SPRED1: variants seen among roughly 807,000 people sequenced by gnomAD.
SPRED1 encodes sprouty-related, EVH1 domain-containing protein 1.
In SPRED1, 18 loss-of-function variants were observed where a neutral mutation model predicts 52.3. The ratio of observed to expected loss-of-function variants is 0.34; its 90% CI spans 0.24 to 0.51. The LOEUF (loss-of-function observed/expected upper bound fraction) is 0.51. Among genes scored for constraint, SPRED1 ranks in the 20% least tolerant of loss-of-function variants. The probability of loss-of-function intolerance (pLI) is 0.97; values close to 1 mark genes in which losing one functional copy is unlikely to be tolerated. For synonymous variants in SPRED1, 155 were observed against 179.7 expected (o/e 0.86, Z 1.10); for missense variants, 485 against 551.0 (o/e 0.88, Z 1.20).
intron 5 of SPRED1, among the ~76,000 whole-genome samples, chr15:38,345,975 T>TAGTAAGC (rs1896127379): frequency 6.6e-6 from 1 of 152,232 alleles, no homozygotes; most frequent in African/African-American, 2.4e-5. Context: ...TTATGTTCCC[T>TAGTAAGC]TAGTAATGCT....
intron 5 of SPRED1, among the ~76,000 whole-genome samples, chr15:38,341,193 A>C (rs4924235): frequency 6.6e-6 from 1 of 151,794 alleles, no homozygotes; most frequent in Non-Finnish European, 1.5e-5. Flanking sequence ...ACTGAAAATA[A>C]GTGCCTTCTC....
rs779966392 is a variant in SPRED1 at position 38,351,324 on chromosome 15, G to A, written c.995G>A (p.Arg332His). ...AAACGAAGAAAAGAGGATGGTGAAC[G>A]TTCTCGCTGCGTATACTGCCAGGAA... ...KSKRRKEDGE[R>H]SRCVYCQERF... Residue 332 changes from arginine to histidine, a missense_variant, in exon 7 of 7, where the codon CGT becomes CAT. Physicochemically the swap from Arg to His is conservative, Grantham distance 29. This residue lies in a region of SPRED1 where 205 missense variants were observed against 245.2 expected (regional missense o/e 0.84). Transcript: ENST00000299084. The A allele has an allele frequency of 9.3e-6, 15 of 1,613,950 alleles. No homozygotes were observed. The highest frequency in any genetic ancestry group is 7.7e-5 in the South Asian group (7 of 91,072).
intron 1 of SPRED1, among the ~76,000 whole-genome samples, chr15:38,279,229 T>C (rs1894633132): frequency 6.6e-6 from 1 of 152,174 alleles, no homozygotes; most frequent in South Asian, 2.1e-4. Context: ...CACGATATGA[T>C]CGTACCATAT....
At chr15:38,331,581 T>G (rs1460657980) in intron 4 of SPRED1, among the ~76,000 whole-genome samples, 2 of 152,160 alleles carry the variant, frequency 1.3e-5, no homozygotes, top group Non-Finnish European at 2.9e-5. Flanking sequence ...TCAGATTTTC[T>G]TAAGCACTGA....
intron 1 of SPRED1, among the ~76,000 whole-genome samples, chr15:38,261,114 A>G (rs995723785): frequency 6.6e-6 from 1 of 152,348 alleles, no homozygotes; most frequent in African/African-American, 2.4e-5. Flanking sequence ...TTGAAGATTA[A>G]TGGAGAGAAA....
intron 1 of SPRED1, among the ~76,000 whole-genome samples, chr15:38,285,595 A>T (rs1398344674): frequency 3.9e-5 from 6 of 152,112 alleles, no homozygotes; most frequent in African/African-American, 1.2e-4. Context: ...AGGGAATGGG[A>T]GGGAGAATGG....
intron 1 of SPRED1, among the ~76,000 whole-genome samples, chr15:38,297,776 G>A (rs1342882752): frequency 2.0e-5 from 3 of 152,106 alleles, no homozygotes; most frequent in Admixed American, 1.3e-4. Context: ...TACTCATATA[G>A]TGCTTGTTAT....
At chr15:38,308,014 C>T (rs552768913) in intron 2 of SPRED1, among the ~76,000 whole-genome samples, 6 of 152,114 alleles carry the variant, frequency 3.9e-5, no homozygotes, top group African/African-American at 1.4e-4. Context: ...TATCTATTTT[C>T]TTTGGGAATT....
chr15:38,337,849 T>TA (rs1895951101), intron 4 of SPRED1, among the ~76,000 whole-genome samples: 1 of 151,726 alleles, frequency 6.6e-6, no homozygotes. Context: ...TCCTAAAACT[T>TA]ATGATTGTTT....
At chr15:38,350,646 TG>T (rs1888460598) in intron 6 of SPRED1, among the ~76,000 whole-genome samples, 1 of 152,112 alleles carries the variant, frequency 6.6e-6, no homozygotes, top group Non-Finnish European at 1.5e-5. Context: ...CAATCAAGTG[TG>T]GGTAAGTGGC....
chr15:38,318,241 G>A (rs1184760870), intron 2 of SPRED1, among the ~76,000 whole-genome samples: 1 of 151,790 alleles, frequency 6.6e-6, no homozygotes, highest in Non-Finnish European at 1.5e-5. Flanking sequence ...GTATTTTCTC[G>A]TATTTTTATA....
chr15:38,305,436 G>T (rs1408266651), intron 2 of SPRED1, among the ~76,000 whole-genome samples: 1 of 150,362 alleles, frequency 6.7e-6, no homozygotes, highest in African/African-American at 2.5e-5. Flanking sequence ...GCTAAGCACT[G>T]TTGTAGGCAC....
intron 4 of SPRED1, among the ~76,000 whole-genome samples, chr15:38,335,823 T>G (rs981258082): frequency 1.3e-5 from 2 of 151,908 alleles, no homozygotes; most frequent in African/African-American, 4.8e-5. Context: ...GCAATAATAT[T>G]CATAAACATG....
intron 1 of SPRED1, among the ~76,000 whole-genome samples, chr15:38,257,137 T>TTC (rs1439348035): frequency 6.6e-6 from 1 of 152,200 alleles, no homozygotes; most frequent in African/African-American, 2.4e-5. Flanking sequence ...CCAAAAGACC[T>TTC]TCTCTCTTCC....
intron 1 of SPRED1, among the ~76,000 whole-genome samples, chr15:38,271,358 A>G (rs745403874): frequency 1.2e-4 from 18 of 152,256 alleles, no homozygotes; most frequent in Non-Finnish European, 2.5e-4. Flanking sequence ...GAAACAGCCA[A>G]ACAGATGGAG....
chr15:38,339,942 A>C (rs1339467309), intron 5 of SPRED1, 47 bp downstream of exon 5: 5 of 1,611,342 alleles, frequency 3.1e-6, no homozygotes, highest in Non-Finnish European at 4.2e-6. Flanking sequence ...TATGTGTAGA[A>C]ATTGAATGAT....
intron 2 of SPRED1, among the ~76,000 whole-genome samples, chr15:38,306,993 C>T (rs895805023): frequency 6.6e-6 from 1 of 152,040 alleles, no homozygotes; most frequent in Non-Finnish European, 1.5e-5. Flanking sequence ...TCTTTTATAC[C>T]TGATTGTGGT....
At chr15:38,347,933 A>G (rs1200129746) in intron 5 of SPRED1, among the ~76,000 whole-genome samples, 1 of 151,990 alleles carries the variant, frequency 6.6e-6, no homozygotes, top group Non-Finnish European at 1.5e-5. Context: ...AAAGGTCAAT[A>G]TTGTCCATTT....
At chr15:38,329,351 G>T (rs1023180143) in intron 4 of SPRED1, among the ~76,000 whole-genome samples, 3 of 152,080 alleles carry the variant, frequency 2.0e-5, no homozygotes, top group Non-Finnish European at 4.4e-5. Context: ...TGATTAGAAG[G>T]CTATGATTTA....
Sources: gnomAD v4.1 joint callset for allele counts (sites outside exome capture counted in the v4.1 genomes callset) on GRCh38, gnomAD v4.1.1 for gene constraint, gnomAD v4.1.1 regional missense constraint, MANE v1.5 for transcripts, NCBI Gene and HGNC (gene_info 2026-07-23, HGNC 2026-07-21) for gene names.